The following FUBP3 variants were observed in gnomAD, a reference collection of about 807,000 sequenced individuals.
The protein encoded by FUBP3 is far upstream element binding protein 3.
In FUBP3, 28 loss-of-function variants were observed where a neutral mutation model predicts 85.6. The ratio of observed to expected loss-of-function variants is 0.33; its 90% confidence interval spans 0.24 to 0.45. FUBP3 has a LOEUF of 0.45. FUBP3 is among the 20% of genes least tolerant of loss of function. The pLI is 1.00. For missense variants in FUBP3, 583 were observed against 755.1 expected, an observed-to-expected ratio of 0.77 and a Z score of 2.67; for synonymous variants, 271 against 271.4, an observed-to-expected ratio of 1.00 and a Z score of 0.01.
rs1187724155 is a variant in FUBP3 at position 130,637,909 on chromosome 9, G to T, written c.*887G>T. ...TTATAACTATTTTTAATTCCAAGGT[G>T]TTGTTTGCTTTTTTCTTTTAAATAT... On this transcript the variant is annotated 3_prime_UTR_variant, in exon 19 of 19. Coordinates refer to ENST00000319725, the MANE Select transcript of FUBP3 (RefSeq NM_003934.2). 1 of 152,436 alleles carries T rather than the reference G, an allele frequency of 6.6e-6. No individual in the cohort carries two copies. The highest frequency in any genetic ancestry group is 1.5e-5 in the Non-Finnish European group (1 of 67,996). The allele number at this position is 152,436 out of a possible 1,614,324, so 9.4% of individuals were successfully genotyped here.
In FUBP3 at chr9:130,618,015, A is replaced by T. The variant is rs184323049; in HGVS notation, c.666+120A>T. ...CTGGCAGCTCCGTTATTGAAGGTAA[A>T]CTGTTCTCAACAAAGTTTGGTGATG... is the stretch of plus-strand genomic sequence containing the variant. On this transcript the variant is annotated intron_variant, in intron 8 of 18. Coordinates refer to ENST00000319725, the MANE Select transcript of FUBP3 (RefSeq NM_003934.2). 2.5e-3 allele frequency: 1,416 copies of T among 567,168 alleles called. 6 individuals are homozygous for T. The highest frequency in any genetic ancestry group is 3.6e-3 in the Non-Finnish European group (1,132 of 313,502). 35.1% of individuals were successfully genotyped at this position (567,168 alleles called of 1,614,324 possible). A position where few individuals can be genotyped will look rare whatever the true frequency, so the allele number is the denominator to read the frequency against.
At chr9:130,622,834 C>T (rs1829813783) in intron 10 of FUBP3, 24 bp downstream of exon 10, 1 of 1,154,374 alleles carries the variant, frequency 8.7e-7, no homozygotes, top group Non-Finnish European at 1.3e-6. Flanking sequence ...TTTAAAAATC[C>T]TTAGTGTTAA....
At chr9:130,582,271 C>T (rs564573984) in intron 1 of FUBP3, among the ~76,000 whole-genome samples, 5 of 151,942 alleles carry the variant, frequency 3.3e-5, no homozygotes, top group East Asian at 1.9e-4. Flanking sequence ...GGCAACATAG[C>T]GAGACCTTGT....
intron 16 of FUBP3, among the ~76,000 whole-genome samples, chr9:130,633,018 C>T (rs1344081849): frequency 6.6e-6 from 1 of 152,266 alleles, no homozygotes; most frequent in East Asian, 1.9e-4. Context: ...AGCACCCAGG[C>T]CGCAGGCCCC....
intron 3 of FUBP3, among the ~76,000 whole-genome samples, chr9:130,611,827 T>G (rs1220010296): frequency 6.7e-6 from 1 of 150,204 alleles, no homozygotes; most frequent in Non-Finnish European, 1.5e-5. Flanking sequence ...AGGCACATAA[T>G]GGATGGGATA....
Position 130,626,452 on chromosome 9 carries a change from A to G in FUBP3, c.1064A>G (p.Gln355Arg). 1 of 1,614,136 alleles carries G rather than the reference A, an allele frequency of 6.2e-7. No homozygotes were observed. The highest frequency in any genetic ancestry group is 1.1e-5 in the South Asian group (1 of 91,070). Residue 355 changes from glutamine to arginine, a missense_variant, in exon 12 of 19, where the codon CAG becomes CGG. This residue lies in a region of FUBP3 where 404 missense variants were observed against 516.8 expected (regional missense o/e 0.78). Transcript: ENST00000319725. ...DWSVGAPGGV[Q>R]EITYTVPADK... is the part of the protein sequence containing the mutation. ...AGCGTGGGAGCCCCTGGTGGCGTCC[A>G]GGAGATAACATACACGGTGCCAGCC...
At chr9:130,606,394 C>CT (rs1564203106) in intron 2 of FUBP3, among the ~76,000 whole-genome samples, 1 of 152,170 alleles carries the variant, frequency 6.6e-6, no homozygotes, top group Non-Finnish European at 1.5e-5. Flanking sequence ...CCCCACCCCC[C>CT]CCCAACAGAC....
chr9:130,596,377 A>T (rs1321055131), intron 2 of FUBP3, among the ~76,000 whole-genome samples: 1 of 152,062 alleles, frequency 6.6e-6, no homozygotes, highest in Non-Finnish European at 1.5e-5. Context: ...TATTTCTGTG[A>T]TGTATTATTA....
At chr9:130,594,430 A>G (rs1007854178) in intron 1 of FUBP3, among the ~76,000 whole-genome samples, 1 of 151,916 alleles carries the variant, frequency 6.6e-6, no homozygotes. Flanking sequence ...TAAAAATACA[A>G]AAATTAGCCG....
rs541871053 is a variant in FUBP3 at position 130,636,109 on chromosome 9, G to T, written c.1693G>T (p.Ala565Ser). Residue 565 changes from alanine (A) to serine (S), a missense_variant, in exon 18 of 19, where the codon GCG becomes TCG. Transcript: ENST00000319725. ...VAFYGQTLGQ[A>S]QAHSQEQ ...TTTCTACGGACAGACGTTAGGGCAG[G>T]CGCAGGCCCACAGCCAGGTCTGTAG... 1 of 1,613,492 alleles carries T rather than the reference G, an allele frequency of 6.2e-7. No individual in the cohort carries two copies. Among genetic ancestry groups the T allele is most frequent in the Non-Finnish European group, 8.5e-7 (1 of 1,179,930 alleles).
chr9:130,621,757 T>C (rs1829757003), intron 9 of FUBP3, among the ~76,000 whole-genome samples: 1 of 151,248 alleles, frequency 6.6e-6, no homozygotes, highest in South Asian at 2.1e-4. Context: ...ATACAAAAAT[T>C]AGCCGGGTGT....
chr9:130,590,934 T>C (rs1219700333), intron 1 of FUBP3, among the ~76,000 whole-genome samples: 3 of 152,138 alleles, frequency 2.0e-5, no homozygotes. Flanking sequence ...CGACATACCA[T>C]TTACTTGGAC....
At chr9:130,587,150 C>T (rs1479313550) in intron 1 of FUBP3, among the ~76,000 whole-genome samples, 1 of 151,464 alleles carries the variant, frequency 6.6e-6, no homozygotes, top group East Asian at 1.9e-4. Context: ...CTGCAACCTC[C>T]GCCTCCTGAG....
At chr9:130,623,841 T>C in intron 11 of FUBP3, 130 bp downstream of exon 11, 1 of 509,106 alleles carries the variant, frequency 2.0e-6, no homozygotes, top group Admixed American at 3.8e-5. Flanking sequence ...AAACCAGCAG[T>C]TTCTCTACAT....
Position 130,623,618 on chromosome 9 carries a change from G to C in FUBP3, c.882G>C (p.Gly294=), listed in dbSNP as rs761036333. ...TCTCACCTGGCTCCTCAGATGATGG[G>C]ATTAGTCCAGAAAGAGCTGCCCAGG... ...GVRIQFKPDD[G]ISPERAAQVM... Residue 294 remains glycine (G), a synonymous_variant, in exon 11 of 19, where the codon GGG becomes GGC. Coordinates refer to ENST00000319725, the MANE Select transcript of FUBP3 (RefSeq NM_003934.2). 6.2e-7 allele frequency: 1 copy of C among 1,609,454 alleles called. No individual in the cohort carries two copies. The highest frequency in any genetic ancestry group is 2.2e-5 in the East Asian group (1 of 44,850).
Position 130,579,637 on chromosome 9 carries a change from C to A in FUBP3, c.-44C>A. On this transcript the variant is annotated 5_prime_UTR_variant, in exon 1 of 19. Transcript: ENST00000319725. ...GCCGGACCGGGGAGCCGAGCGGCGG[C>A]GTCGGCGGCGTCGGCGGCGGCGGCG... 8.9e-7 allele frequency: 1 copy of A among 1,127,914 alleles called. No individual in the cohort carries two copies. Among genetic ancestry groups the A allele is most frequent in the Non-Finnish European group, 1.1e-6 (1 of 892,360 alleles). 69.9% of individuals were successfully genotyped at this position (1,127,914 alleles called of 1,614,324 possible).
At position 130,595,598 on chromosome 9, in the gene FUBP3, C is replaced by T. The variant is rs773088031; in HGVS notation, c.190+10C>T. On this transcript the variant is annotated intron_variant, in intron 2 of 18. Coordinates refer to ENST00000319725, the MANE Select transcript of FUBP3 (RefSeq NM_003934.2). ...CCCTTGGATGATGGAGGTAAGTTGCCAGAAATATCTTTGCCTTTCAGGTGG... is the reference window on the plus strand; with the variant it reads ...CCCTTGGATGATGGAGGTAAGTTGCTAGAAATATCTTTGCCTTTCAGGTGG... The T allele has an allele frequency of 8.1e-7, 1 of 1,228,490 alleles. No individual in the cohort carries two copies. Among genetic ancestry groups the T allele is most frequent in the Non-Finnish European group, 1.2e-6 (1 of 828,056 alleles). 76.1% of individuals were successfully genotyped at this position (1,228,490 alleles called of 1,614,324 possible). A position where few individuals can be genotyped will look rare whatever the true frequency, so the allele number is the denominator to read the frequency against.
rs191624755 is a variant in FUBP3, at chr9:130,630,921, C to G, written c.1278+133C>G. On this transcript the variant is annotated intron_variant, in intron 13 of 18. Coordinates refer to ENST00000319725, the MANE Select transcript of FUBP3 (RefSeq NM_003934.2). ...CTCACATCACACGAGGGCAAGCCCC[C>G]TCCTGCTTTGCCGAAGGGGAGGGTC... 3.8e-4 allele frequency: 267 copies of G among 708,858 alleles called. 4 individuals are homozygous for G. Among genetic ancestry groups the G allele is most frequent in the East Asian group, 3.5e-3 (102 of 29,436 alleles). The allele number at this position is 708,858 out of a possible 1,614,324, so 43.9% of individuals were successfully genotyped here.
chr9:130,614,733 G>A (rs941235092), intron 6 of FUBP3, among the ~76,000 whole-genome samples: 1 of 152,178 alleles, frequency 6.6e-6, no homozygotes, highest in Non-Finnish European at 1.5e-5. Flanking sequence ...AGGACTTTTG[G>A]CTGGAGGCTG....
Sources: allele counts gnomAD v4.1 joint callset (sites outside exome capture counted in the v4.1 genomes callset), GRCh38; gene constraint gnomAD v4.1.1; regional missense constraint gnomAD v4.1.1; transcripts MANE v1.5; gene names NCBI Gene and HGNC (gene_info 2026-07-23, HGNC 2026-07-21).